BAZ1A: variants seen among roughly 807,000 people sequenced by gnomAD.
The protein encoded by BAZ1A is bromodomain adjacent to zinc finger domain 1A, also known as bromodomain adjacent to zinc finger domain protein 1A.
In BAZ1A, 50 loss-of-function variants were observed where a neutral mutation model predicts 185.2. The ratio of observed to expected loss-of-function variants is 0.27; its 90% CI spans 0.22 to 0.34. The LOEUF is 0.34. Among genes scored for constraint, BAZ1A ranks in the 10% least tolerant of loss-of-function variants. BAZ1A has a pLI of 1.00. For missense variants in BAZ1A, 1,356 were observed against 1,839.9 expected (o/e 0.74, Z 4.81); for synonymous variants, 571 against 615.6 (o/e 0.93, Z 1.07).
chr14:34,832,215 C>CACACACACAGATATATATATATATATAT, intron 3 of BAZ1A, among the ~76,000 whole-genome samples: 1 of 89,670 alleles, frequency 1.1e-5, no homozygotes, highest in African/African-American at 3.7e-5. Flanking sequence ...CACACACACA[C>CACACACACAGATATATATATATATATAT]ATATATATAT....
chr14:34,773,178 G>A (rs1337404332), intron 20 of BAZ1A, among the ~76,000 whole-genome samples: 2 of 152,152 alleles, frequency 1.3e-5, no homozygotes, highest in Non-Finnish European at 2.9e-5. Flanking sequence ...CCGAGCAGCT[G>A]AGACTACAGG....
At chr14:34,861,063 ACAAACTTATAATGATTCTT>A (rs1275230191) in intron 3 of BAZ1A, among the ~76,000 whole-genome samples, 5 of 152,214 alleles carry the variant, frequency 3.3e-5, no homozygotes, top group Admixed American at 6.5e-5. Flanking sequence ...AACATTACAT[ACAAACTTATAATGATTCTT>A]CAAATAAGAT....
At chr14:34,851,570 A>G (rs1173193751) in intron 3 of BAZ1A, among the ~76,000 whole-genome samples, 1 of 152,084 alleles carries the variant, frequency 6.6e-6, no homozygotes, top group African/African-American at 2.4e-5. Context: ...GGGAGGGGAC[A>G]GAAGATGGGT....
rs546982984 is a variant in BAZ1A, at chr14:34,828,016, C to T, written c.393-1860G>A. ...ACAATTAAAATATTCCTTAATCGGC[C>T]GGGTGTGGTGGCTCACACCTGTAAC... On this transcript the variant is annotated intron_variant, in intron 3 of 26. Coordinates refer to ENST00000360310, the MANE Select transcript of BAZ1A (RefSeq NM_013448.3). Among the ~76,000 whole-genome samples the T allele has an allele frequency of 1.6e-4, 24 of 152,010 alleles. No homozygotes were observed. The South Asian group carries it at 3.1e-3, about 20-fold the overall frequency.
At chr14:34,779,837 T>C (rs1019629213) in intron 17 of BAZ1A, among the ~76,000 whole-genome samples, 9 of 152,180 alleles carry the variant, frequency 5.9e-5, no homozygotes, top group Admixed American at 2.0e-4. Flanking sequence ...GAATACAAAT[T>C]TCTATTTGGC....
rs1157357663 is a variant in BAZ1A, at chr14:34,874,072, C to G, written c.113+420G>C. Among the ~76,000 whole-genome samples, 3 of 152,168 alleles carry G rather than the reference C, an allele frequency of 2.0e-5. No homozygotes were observed. Among genetic ancestry groups the G allele is most frequent in the African/African-American group, 4.8e-5 (2 of 41,466 alleles). On this transcript the variant is annotated intron_variant, in intron 2 of 26. Transcript: ENST00000360310. The surrounding 1 kb of genome is among the most constrained non-coding windows in gnomAD (Gnocchi z 4.7). ...ATTCCCTTCCCCGGCCCAGGGACTG[C>G]GGCCCCACGTCGCTGACCCTAGCGG... is the stretch of plus-strand genomic sequence containing the variant.
intron 2 of BAZ1A, among the ~76,000 whole-genome samples, chr14:34,873,129 A>G (rs2042979343): frequency 6.6e-6 from 1 of 152,136 alleles, no homozygotes; most frequent in East Asian, 1.9e-4. Flanking sequence ...AGCTGAAGAA[A>G]AAGGTTTACT....
chr14:34,846,016 G>A (rs1302557701), intron 3 of BAZ1A, among the ~76,000 whole-genome samples: 1 of 152,164 alleles, frequency 6.6e-6, no homozygotes, highest in Admixed American at 6.5e-5. Context: ...ATGTAGATAT[G>A]AAATCCCCAA....
In BAZ1A at chr14:34,875,286, G is replaced by C. The variant is rs1329917457; in HGVS notation, c.-207C>G. 2.2e-6 allele frequency: 1 copy of C among 455,548 alleles called. No homozygotes were observed. The highest frequency in any genetic ancestry group is 2.3e-5 in the Admixed American group (1 of 42,556). 28.2% of individuals were successfully genotyped at this position (455,548 alleles called of 1,614,324 possible). On this transcript the variant is annotated 5_prime_UTR_variant, in exon 1 of 27. Transcript: ENST00000360310. The stretch of plus-strand genomic sequence containing the variant: ...GCTGCCACTGCCCGACTCCGCGCGG[G>C]GAATTGCGTCCCACCGCCACTTCCC...
chr14:34,786,042 C>T (rs536875540), intron 13 of BAZ1A, 41 bp from the exon 14 acceptor site: 2 of 1,593,068 alleles, frequency 1.3e-6, no homozygotes, highest in Admixed American at 3.5e-5. Context: ...AGAATATAAA[C>T]AATAAATACT....
chr14:34,842,828 T>A (rs1043952103), intron 3 of BAZ1A, among the ~76,000 whole-genome samples: 3 of 152,156 alleles, frequency 2.0e-5, no homozygotes, highest in Non-Finnish European at 4.4e-5. Context: ...CATCTGTGTA[T>A]GGGCTCTTCA....
intron 11 of BAZ1A, among the ~76,000 whole-genome samples, chr14:34,793,904 T>C (rs1292128001): frequency 6.7e-6 from 1 of 150,150 alleles, no homozygotes; most frequent in East Asian, 1.9e-4. Flanking sequence ...ATCACGCCAC[T>C]GCACTCCAGC....
chr14:34,836,263 C>T lies in BAZ1A; in HGVS notation c.393-10107G>A, dbSNP rs2042328360. On this transcript the variant is annotated intron_variant, in intron 3 of 26. Transcript: ENST00000360310. ...GCGTGGTAGCGGGCGCCTGTAGTCC[C>T]AGCTACTCGGGAGGCTGAGGCAGGA... is the stretch of plus-strand genomic sequence containing the variant. 2.9e-5 allele frequency among the ~76,000 whole-genome samples: 2 copies of T among 69,988 alleles called. 1 individual carries two copies. Among genetic ancestry groups the T allele is most frequent in the Non-Finnish European group, 6.1e-5 (2 of 32,930 alleles). 45.9% of individuals were successfully genotyped at this position (69,988 alleles called of 152,430 possible).
chr14:34,814,817 A>T (rs2041982210), intron 4 of BAZ1A, among the ~76,000 whole-genome samples: 2 of 149,102 alleles, frequency 1.3e-5, no homozygotes, highest in Admixed American at 1.3e-4. Flanking sequence ...CTTGTTGCCC[A>T]GGATGGAGTG....
chr14:34,866,396 G>C (rs1347563694), intron 2 of BAZ1A, among the ~76,000 whole-genome samples: 1 of 150,922 alleles, frequency 6.6e-6, no homozygotes, highest in South Asian at 2.1e-4. Context: ...GCTGAGGCAG[G>C]AGGAGCACTT....
chr14:34,863,681 T>G (rs1452597460), intron 2 of BAZ1A, among the ~76,000 whole-genome samples: 1 of 152,040 alleles, frequency 6.6e-6, no homozygotes, highest in African/African-American at 2.4e-5. Flanking sequence ...AGGAAAAACA[T>G]GAATCAATGA....
At chr14:34,813,192 T>A (rs1200396) in intron 4 of BAZ1A, among the ~76,000 whole-genome samples, 1 of 151,844 alleles carries the variant, frequency 6.6e-6, no homozygotes, top group Non-Finnish European at 1.5e-5. Flanking sequence ...AGACCAACCT[T>A]GGCAACATGG....
chr14:34,753,080 TCAAA>T lies in BAZ1A; in HGVS notation c.*424_*427del, dbSNP rs72268510. On this transcript the variant is annotated 3_prime_UTR_variant, in exon 27 of 27. Transcript: ENST00000360310. ...CATGTGTAGTGTTGAAAGAATGTAC[TCAAA>T]CAATTAATTAAGACATAAACACCTT... is the stretch of plus-strand genomic sequence containing the variant. The T allele has an allele frequency of 0.011, 1,773 of 156,608 alleles. 39 individuals carry two copies. The highest frequency in any genetic ancestry group is 0.04 in the African/African-American group (1,647 of 41,612). The allele number at this position is 156,608 out of a possible 1,614,324, so 9.7% of individuals were successfully genotyped here. A position where few individuals can be genotyped will look rare whatever the true frequency, so the allele number is the denominator to read the frequency against.
In BAZ1A at chr14:34,774,471, G is replaced by T; in HGVS notation, c.2853C>A (p.Ser951Arg). 1 of 1,598,972 alleles carries T rather than the reference G, an allele frequency of 6.3e-7. No individual in the cohort carries two copies. The highest frequency in any genetic ancestry group is 1.1e-5 in the South Asian group (1 of 87,474). Residue 951 changes from serine (S) to arginine (R), a missense_variant, in exon 19 of 27, where the codon AGC becomes AGA. Coordinates refer to ENST00000360310, the MANE Select transcript of BAZ1A (RefSeq NM_013448.3). Reference protein sequence around the residue: ...FHFSDKPQPDSKPTYSRGRSS... With the variant: ...FHFSDKPQPDRKPTYSRGRSS... ...ATCTTCCCCGACTATATGTTGGTTT[G>T]CTATCAGGCTGAGGTTTGTCTGAAA...
Sources: gnomAD v4.1 joint callset for allele counts (sites outside exome capture counted in the v4.1 genomes callset) on GRCh38, gnomAD v4.1.1 for gene constraint, Gnocchi (gnomAD v3.1) non-coding constraint, MANE v1.5 for transcripts, NCBI Gene and HGNC (gene_info 2026-07-23, HGNC 2026-07-21) for gene names.